The following MEIG1 variants were observed in gnomAD, a reference collection of about 807,000 sequenced individuals.
MEIG1 encodes meiosis/spermiogenesis associated 1.
Under a neutral mutation model 11.3 loss-of-function variants are expected in MEIG1, and 12 were observed. The ratio of observed to expected loss-of-function variants is 1.07; its 90% CI spans 0.68 to 1.73. MEIG1 has a LOEUF of 1.73. Ranked by LOEUF, MEIG1 falls within the 40% of genes most tolerant of loss-of-function variation. MEIG1 has a pLI of 0.00. For missense variants in MEIG1, 119 were observed against 104.9 expected, an observed-to-expected ratio of 1.13 and a Z score of -0.59; for synonymous variants, 41 against 33.2, an observed-to-expected ratio of 1.24 and a Z score of -0.81.
At chr10:14,966,648 T>G in intron 2 of MEIG1, 42 bp downstream of exon 2, 1 of 1,566,042 alleles carries the variant, frequency 6.4e-7, no homozygotes, top group Non-Finnish European at 8.6e-7. Flanking sequence ...GAAATGTATT[T>G]CTCAGATGCT....
chr10:14,972,080 T>C (rs1038449019), intron 2 of MEIG1, among the ~76,000 whole-genome samples: 2 of 151,616 alleles, frequency 1.3e-5, no homozygotes, highest in Non-Finnish European at 2.9e-5. Flanking sequence ...AGTGGCGCCA[T>C]CTAGAGTCAC....
chr10:14,961,638 A>AGACTTTTTTTTTTTTTTT (rs1843013852), intron 1 of MEIG1, among the ~76,000 whole-genome samples: 1 of 76,594 alleles, frequency 1.3e-5, no homozygotes, highest in Non-Finnish European at 2.6e-5. Flanking sequence ...CATCCGGCTA[A>AGACTTTTTTTTTTTTTTT]TTTTTTTTTT....
At chr10:14,976,475 T>C (rs947071301), downstream of MEIG1, among the ~76,000 whole-genome samples, 21 of 152,062 alleles carry the variant, frequency 1.4e-4, no homozygotes, top group African/African-American at 4.8e-4. Flanking sequence ...TTGATATTAT[T>C]CATAATATCC....
downstream of MEIG1, among the ~76,000 whole-genome samples, chr10:14,976,672 T>C (rs978432033): frequency 1.3e-5 from 2 of 152,080 alleles, no homozygotes; most frequent in Non-Finnish European, 2.9e-5. Context: ...TTCGTTATAA[T>C]TTTGTGGGAT....
At chr10:14,957,935 C>T (rs1288992699), upstream of MEIG1, among the ~76,000 whole-genome samples, 2 of 152,194 alleles carry the variant, frequency 1.3e-5, no homozygotes, top group African/African-American at 4.8e-5. Context: ...TGTGAGCCAC[C>T]GCGCCCGGCC....
At chr10:14,976,915 C>T (rs188154918), downstream of MEIG1, among the ~76,000 whole-genome samples, 153 of 152,094 alleles carry the variant, frequency 1.0e-3, no homozygotes, top group Admixed American at 1.8e-3. Flanking sequence ...TGATATTATT[C>T]GTACTGTCCT....
At chr10:14,979,900 T>C (rs1366110378) in intron 1 of MEIG1, among the ~76,000 whole-genome samples, 1 of 152,062 alleles carries the variant, frequency 6.6e-6, no homozygotes, top group African/African-American at 2.4e-5. Context: ...AGTATATTAT[T>C]TCTATTGTCA....
downstream of MEIG1, among the ~76,000 whole-genome samples, chr10:14,977,008 T>C (rs1843216675): frequency 6.6e-6 from 1 of 152,100 alleles, no homozygotes; most frequent in African/African-American, 2.4e-5. Context: ...TTACTTCTAA[T>C]GTCACACGGG....
At chr10:14,980,092 A>G (rs1221715701) in intron 1 of MEIG1, among the ~76,000 whole-genome samples, 1 of 151,870 alleles carries the variant, frequency 6.6e-6, no homozygotes, top group Non-Finnish European at 1.5e-5. Flanking sequence ...TATTGTTACT[A>G]GTGTCACCAT....
chr10:14,968,970 C>G (rs113966809), intron 2 of MEIG1, among the ~76,000 whole-genome samples: 1 of 151,342 alleles, frequency 6.6e-6, no homozygotes, highest in Non-Finnish European at 1.5e-5. Context: ...CCTAGCTATT[C>G]GGGAGGCCGA....
upstream of MEIG1, among the ~76,000 whole-genome samples, chr10:14,956,085 T>A (rs147034366): frequency 1.6e-3 from 248 of 152,190 alleles, no homozygotes; most frequent in African/African-American, 5.7e-3. Context: ...CCACAATGGA[T>A]ACAGTACAAA....
At chr10:14,974,794 A>G (rs754165953), downstream of MEIG1, among the ~76,000 whole-genome samples, 5 of 152,070 alleles carry the variant, frequency 3.3e-5, no homozygotes, top group Non-Finnish European at 5.9e-5. Flanking sequence ...ATTAGAAAAC[A>G]GTCATATTAG....
intron 1 of MEIG1, among the ~76,000 whole-genome samples, chr10:14,981,019 G>A (rs1427472505): frequency 6.6e-6 from 1 of 152,136 alleles, no homozygotes; most frequent in Non-Finnish European, 1.5e-5. Flanking sequence ...TTGGGAACAG[G>A]CAGGAGGGGA....
At chr10:14,982,240 T>C (rs1401243842) in intron 1 of MEIG1, among the ~76,000 whole-genome samples, 6 of 152,162 alleles carry the variant, frequency 3.9e-5, no homozygotes, top group African/African-American at 1.4e-4. Flanking sequence ...CCCTCATTAA[T>C]CCTTCCAAGA....
At chr10:14,954,398 T>G, upstream of MEIG1, 1 of 344,508 alleles carries the variant, frequency 2.9e-6, no homozygotes. Context: ...GTGAGTGGGC[T>G]GCGGAACTGC....
upstream of MEIG1, among the ~76,000 whole-genome samples, chr10:14,954,721 G>C (rs1030980300): frequency 6.6e-6 from 1 of 151,982 alleles, no homozygotes; most frequent in African/African-American, 2.4e-5. Context: ...TAGGAAGTTA[G>C]AATGATGTAC....
chr10:14,969,131 C>A (rs565855317), intron 2 of MEIG1, among the ~76,000 whole-genome samples: 321 of 152,120 alleles, frequency 2.1e-3, no homozygotes, highest in Middle Eastern at 0.01. Flanking sequence ...GATTGGGATG[C>A]CCCTAAAGAT....
At chr10:14,979,880 A>G (rs891683823) in intron 1 of MEIG1, among the ~76,000 whole-genome samples, 5 of 152,018 alleles carry the variant, frequency 3.3e-5, no homozygotes, top group African/African-American at 9.7e-5. Flanking sequence ...ACTATTCGTT[A>G]TATCGTAGAA....
chr10:14,966,512 A>C lies in MEIG1; in HGVS notation c.44A>C (p.Lys15Thr). 2 of 1,612,750 alleles carry C rather than the reference A, an allele frequency of 1.2e-6. No homozygotes were observed. The highest frequency in any genetic ancestry group is 1.7e-6 in the Non-Finnish European group (2 of 1,179,396). ...AAACCAAAATCAGTAAGTCATGCCAAAAAATGGTCAGAAGAGATAGAAAAT... is the reference window on the plus strand; with the variant it reads ...AAACCAAAATCAGTAAGTCATGCCACAAAATGGTCAGAAGAGATAGAAAAT... ...DVKPKSVSHA[K>T]KWSEEIENLY... Residue 15 changes from lysine to threonine, a missense_variant, in exon 2 of 3, where the codon AAA (lysine) becomes ACA (threonine). Lys to Thr is a moderately conservative substitution (Grantham distance 78). Coordinates refer to ENST00000407572, the MANE Select transcript of MEIG1 (RefSeq NM_001080836.3).
Sources: gnomAD v4.1 joint callset for allele counts (sites outside exome capture counted in the v4.1 genomes callset) on GRCh38, gnomAD v4.1.1 for gene constraint, MANE v1.5 for transcripts, NCBI Gene and HGNC (gene_info 2026-07-23, HGNC 2026-07-21) for gene names.